Variants in PPP1R13B observed in about 807,000 individuals in gnomAD.
PPP1R13B encodes the protein protein phosphatase 1 regulatory subunit 13B.
A neutral mutation model predicts 119.8 loss-of-function variants in PPP1R13B; 44 were observed. The observed-to-expected ratio is 0.37, with a 90% CI of 0.29 to 0.47. The LOEUF (loss-of-function observed/expected upper bound fraction) is 0.47, where lower values mean the gene tolerates loss of function less well. Among genes scored for constraint, PPP1R13B ranks in the 20% least tolerant of loss-of-function variants. The probability of loss-of-function intolerance (pLI) is 0.99; values close to 1 mark genes in which losing one functional copy is unlikely to be tolerated. For synonymous variants in PPP1R13B, 542 were observed against 561.5 expected, an observed-to-expected ratio of 0.97 and a Z score of 0.49; for missense variants, 1,227 against 1,413.5, an observed-to-expected ratio of 0.87 and a Z score of 2.12.
At position 103,816,616 on chromosome 14, in the gene PPP1R13B, T is replaced by TGGA. The variant is rs2086287044; in HGVS notation, c.10-19101_10-19099dup. On this transcript the variant is annotated intron_variant, in intron 1 of 16. Coordinates refer to ENST00000202556, the MANE Select transcript of PPP1R13B (RefSeq NM_015316.3). ...AGGAGAATCGCTTGTACCCGGGAGG[T>TGGA]GGAGGTTGCACCACTGCACTCTAGC... 2.8e-5 allele frequency among the ~76,000 whole-genome samples: 4 copies of TGGA among 143,556 alleles called. No homozygotes were observed. The Admixed American group carries it at 2.9e-4, about 10-fold the overall frequency. 94.2% of individuals were successfully genotyped at this position (143,556 alleles called of 152,430 possible). A position where few individuals can be genotyped will look rare whatever the true frequency, so the allele number is the denominator to read the frequency against.
chr14:103,843,476 G>C (rs1212048613), intron 1 of PPP1R13B, among the ~76,000 whole-genome samples: 2 of 152,006 alleles, frequency 1.3e-5, no homozygotes, highest in African/African-American at 4.8e-5. Flanking sequence ...TATCAAACTT[G>C]TAAATGCTTT....
chr14:103,787,970 G>A (rs1190222939), intron 2 of PPP1R13B, among the ~76,000 whole-genome samples: 2 of 151,574 alleles, frequency 1.3e-5, no homozygotes, highest in South Asian at 2.1e-4. Flanking sequence ...TTAATTAGCC[G>A]GGTGTGGTGG....
At chr14:103,748,406 A>G (rs1595719734) in intron 8 of PPP1R13B, among the ~76,000 whole-genome samples, 1 of 152,112 alleles carries the variant, frequency 6.6e-6, no homozygotes, top group Admixed American at 6.6e-5. Flanking sequence ...ACCACCCTCC[A>G]CACCCACTCC....
intron 12 of PPP1R13B, chr14:103,739,298 A>G: frequency 2.3e-6 from 1 of 439,926 alleles, no homozygotes; most frequent in Non-Finnish European, 4.0e-6. Flanking sequence ...CACTCCTCGG[A>G]AGACTCTGTG....
rs922849296 is a variant in PPP1R13B, at chr14:103,742,363, C to A, written c.1321-72G>T. On this transcript the variant is annotated intron_variant, in intron 10 of 16. Transcript: ENST00000202556. This position sits in a 1 kb window ranked among gnomAD's most constrained non-coding sequence, Gnocchi z 4.9. ...TTAAGAATATTTCCACCCACATTCC[C>A]AAGAGAATACACAGTAGAATTTGTA... 35 of 1,477,982 alleles carry A rather than the reference C, an allele frequency of 2.4e-5. No individual in the cohort carries two copies. Among genetic ancestry groups the A allele is most frequent in the Non-Finnish European group, 3.0e-5 (33 of 1,113,016 alleles). 91.6% of individuals were successfully genotyped at this position (1,477,982 alleles called of 1,614,324 possible).
intron 1 of PPP1R13B, among the ~76,000 whole-genome samples, chr14:103,812,640 A>T (rs1432181943): frequency 6.6e-6 from 1 of 151,720 alleles, no homozygotes; most frequent in Non-Finnish European, 1.5e-5. Context: ...GCTGGTCTCG[A>T]ACTCCTGACC....
chr14:103,797,570 T>C, intron 1 of PPP1R13B, 52 bp from the exon 2 acceptor site: 1 of 1,487,032 alleles, frequency 6.7e-7, no homozygotes, highest in Non-Finnish European at 9.2e-7. Context: ...CACAAACAGA[T>C]TAATCTGTAA....
chr14:103,847,193 C>T, intron 1 of PPP1R13B, 106 bp downstream of exon 1: 1 of 1,030,024 alleles, frequency 9.7e-7, no homozygotes, highest in Non-Finnish European at 1.2e-6. Flanking sequence ...TCCCCGCCCG[C>T]CCGGCCTCGC....
intron 1 of PPP1R13B, among the ~76,000 whole-genome samples, chr14:103,814,637 A>G (rs191931584): frequency 1.5e-4 from 23 of 152,206 alleles, no homozygotes; most frequent in African/African-American, 5.5e-4. Context: ...AGACCACATC[A>G]CTATTTAAAA....
rs146655824 is a variant in PPP1R13B, at chr14:103,844,498, G to A, written c.9+2801C>T. On this transcript the variant is annotated intron_variant, in intron 1 of 16. Coordinates refer to ENST00000202556, the MANE Select transcript of PPP1R13B (RefSeq NM_015316.3). ...TAATCCCAGCACTTTAGGAGGCCAA[G>A]GTGGGCAGATCACCTGAGGTCATGA... 7.0e-3 allele frequency among the ~76,000 whole-genome samples: 1,058 copies of A among 152,222 alleles called. 15 individuals carry two copies. Among genetic ancestry groups the A allele is most frequent in the African/African-American group, 0.024 (1,006 of 41,542 alleles).
At position 103,773,093 on chromosome 14, in the gene PPP1R13B, C is replaced by T. The variant is rs114638513; in HGVS notation, c.354+5652G>A. Among the ~76,000 whole-genome samples the T allele has an allele frequency of 6.5e-3, 985 of 152,184 alleles. 11 individuals carry two copies. Among genetic ancestry groups the T allele is most frequent in the African/African-American group, 0.023 (950 of 41,492 alleles). ...AGTATTTTTCCTAGACTATGTCATA[C>T]CTTTCAAAATAATAATAATAAAAGC... On this transcript the variant is annotated intron_variant, in intron 4 of 16. Transcript: ENST00000202556.
intron 2 of PPP1R13B, among the ~76,000 whole-genome samples, chr14:103,787,872 G>A (rs534226508): frequency 4.6e-5 from 7 of 151,910 alleles, no homozygotes; most frequent in Non-Finnish European, 8.8e-5. Flanking sequence ...GGATGGTCTC[G>A]ATTTCCTGAC....
intron 1 of PPP1R13B, among the ~76,000 whole-genome samples, chr14:103,812,184 C>T (rs1440375979): frequency 9.6e-5 from 13 of 134,720 alleles, no homozygotes; most frequent in East Asian, 2.5e-4. Context: ...AATGCAGTGG[C>T]GCAATCTCAG....
At chr14:103,786,048 A>G (rs2085454681) in intron 2 of PPP1R13B, among the ~76,000 whole-genome samples, 1 of 151,910 alleles carries the variant, frequency 6.6e-6, no homozygotes, top group African/African-American at 2.4e-5. Flanking sequence ...TCACTCCTTT[A>G]CTTTTTTTGA....
chr14:103,812,709 C>T (rs1353574782), intron 1 of PPP1R13B, among the ~76,000 whole-genome samples: 1 of 152,224 alleles, frequency 6.6e-6, no homozygotes, highest in Non-Finnish European at 1.5e-5. Flanking sequence ...GCCACCGCAC[C>T]TGGCCAAAAC....
rs987042616 is a variant in PPP1R13B at position 103,739,990 on chromosome 14, G to A, written c.2426C>T (p.Thr809Ile). ...PEPEELICPQ[T>I]THQTAEPAED... ...TGCCGGCTCGGCAGTTTGGTGGGTG[G>A]TTTGGGGACAGATGAGCTCCTCTGG... Residue 809 changes from threonine to isoleucine, a missense_variant, in exon 12 of 17, where the codon ACC (threonine) becomes ATC (isoleucine). Physicochemically the swap from Thr to Ile is moderately conservative, Grantham distance 89 (BLOSUM62 -1). Transcript: ENST00000202556. 6.2e-7 allele frequency: 1 copy of A among 1,614,010 alleles called. No homozygotes were observed. Among genetic ancestry groups the A allele is most frequent in the Non-Finnish European group, 8.5e-7 (1 of 1,180,036 alleles).
intron 1 of PPP1R13B, among the ~76,000 whole-genome samples, chr14:103,842,246 T>G (rs578112552): frequency 6.6e-6 from 1 of 151,064 alleles, no homozygotes; most frequent in East Asian, 1.9e-4. Context: ...CAGCATCTAG[T>G]AGAAGTTAGG....
chr14:103,798,390 G>A (rs1309098156), intron 1 of PPP1R13B, among the ~76,000 whole-genome samples: 1 of 151,930 alleles, frequency 6.6e-6, no homozygotes, highest in African/African-American at 2.4e-5. Flanking sequence ...CCGACCTCGT[G>A]ATCCACCCGT....
At chr14:103,783,410 C>A (rs1208074732) in intron 3 of PPP1R13B, among the ~76,000 whole-genome samples, 1 of 151,994 alleles carries the variant, frequency 6.6e-6, no homozygotes, top group African/African-American at 2.4e-5. Context: ...TAGGCGCACA[C>A]CACCACATCG....
Sources: allele counts gnomAD v4.1 joint callset (sites outside exome capture counted in the v4.1 genomes callset), GRCh38; gene constraint gnomAD v4.1.1; non-coding constraint Gnocchi (gnomAD v3.1); transcripts MANE v1.5; gene names NCBI Gene and HGNC (gene_info 2026-07-23, HGNC 2026-07-21).